Variants in RHBDD1 observed in about 807,000 individuals in gnomAD.
The protein encoded by RHBDD1 is rhomboid-related protein 4.
RHBDD1 carries 38 observed loss-of-function variants against 36.3 expected under a neutral mutation model. That is an observed-to-expected ratio of 1.05 (90% CI 0.81 to 1.37). The LOEUF (loss-of-function observed/expected upper bound fraction) is 1.37, where lower values mean the gene tolerates loss of function less well. Ranked by LOEUF, RHBDD1 falls within the 40% of genes most tolerant of loss-of-function variation. RHBDD1 has a pLI of 0.00. For missense variants in RHBDD1, 393 were observed against 377.6 expected, an observed-to-expected ratio of 1.04 and a Z score of -0.34; for synonymous variants, 151 against 136.5, an observed-to-expected ratio of 1.11 and a Z score of -0.74.
upstream of RHBDD1, among the ~76,000 whole-genome samples, chr2:226,835,040 T>G (rs1940851057): frequency 6.6e-6 from 1 of 152,178 alleles, no homozygotes; most frequent in Admixed American, 6.5e-5. Context: ...CCTCCCAAAG[T>G]GCTGGGATTA....
intron 5 of RHBDD1, among the ~76,000 whole-genome samples, chr2:226,877,270 T>C (rs562386687): frequency 1.3e-5 from 2 of 152,346 alleles, no homozygotes; most frequent in African/African-American, 4.8e-5. Context: ...TCTAATATTA[T>C]GCATTGATTA....
intron 3 of RHBDD1, among the ~76,000 whole-genome samples, chr2:226,859,963 A>T (rs1195558434): frequency 6.6e-6 from 1 of 152,164 alleles, no homozygotes; most frequent in African/African-American, 2.4e-5. Context: ...TGTGATGGTG[A>T]CCCAGACTAG....
Position 226,873,228 on chromosome 2 carries a change from G to C in RHBDD1, c.566+5910G>C, listed in dbSNP as rs140282053. 1.9e-3 allele frequency among the ~76,000 whole-genome samples: 285 copies of C among 152,264 alleles called. 2 individuals are homozygous for C. The highest frequency in any genetic ancestry group is 6.5e-3 in the African/African-American group (272 of 41,544). On this transcript the variant is annotated intron_variant, in intron 5 of 8. Coordinates refer to ENST00000392062, the MANE Select transcript of RHBDD1 (RefSeq NM_001167608.3). ...CACTGTAAAGACTGGCAGTGACTCA[G>C]CTATGCACAGAAATGACCACAAACC...
intron 8 of RHBDD1, among the ~76,000 whole-genome samples, chr2:226,965,620 T>C (rs1034537279): frequency 3.9e-5 from 6 of 152,134 alleles, no homozygotes; most frequent in African/African-American, 1.4e-4. Context: ...AAGTGAAGAA[T>C]GACTAAGGTT....
At chr2:226,948,334 G>A (rs1190950047) in intron 8 of RHBDD1, among the ~76,000 whole-genome samples, 8 of 145,452 alleles carry the variant, frequency 5.5e-5, no homozygotes, top group Non-Finnish European at 9.0e-5. Flanking sequence ...ACCAAACACC[G>A]CATATTCTCA....
intron 8 of RHBDD1, among the ~76,000 whole-genome samples, chr2:226,962,766 G>A (rs543470487): frequency 4.6e-5 from 7 of 152,132 alleles, no homozygotes; most frequent in African/African-American, 1.2e-4. Flanking sequence ...AAGCTTGTAC[G>A]TTTCTACCTA....
At chr2:226,846,508 C>A (rs988752578) in intron 3 of RHBDD1, among the ~76,000 whole-genome samples, 1 of 152,114 alleles carries the variant, frequency 6.6e-6, no homozygotes, top group African/African-American at 2.4e-5. Flanking sequence ...CTTTGGGAGG[C>A]TGAGGCAGGT....
chr2:226,945,145 G>GATTATT (rs60027437), intron 8 of RHBDD1, among the ~76,000 whole-genome samples: 4,337 of 144,712 alleles, frequency 0.03, 117 homozygotes, highest in African/African-American at 0.078. Context: ...GATCAAATCT[G>GATTATT]ATTATTATTA....
the RHBDD1 span, chr2:226,808,500 G>A: frequency 6.6e-6 from 1 of 152,220 alleles, no homozygotes; most frequent in African/African-American, 2.4e-5. Context: ...GCTGGAGCCT[G>A]GAATCATTTG....
chr2:226,963,008 G>A (rs1952330784), intron 8 of RHBDD1, among the ~76,000 whole-genome samples: 1 of 152,098 alleles, frequency 6.6e-6, no homozygotes, highest in East Asian at 1.9e-4. Flanking sequence ...AGGTGAGTGT[G>A]ACTGCCCTGT....
At chr2:226,831,746 T>C (rs1304256717), upstream of RHBDD1, among the ~76,000 whole-genome samples, 1 of 152,198 alleles carries the variant, frequency 6.6e-6, no homozygotes, top group Non-Finnish European at 1.5e-5. Context: ...ATAAAGTCTT[T>C]TTGGATTTTC....
rs957365960 is a variant in RHBDD1 at position 226,864,595 on chromosome 2, G to T, written c.-90-9G>T. ...ATTGATGGTTTTTCACATGCATTTT[G>T]TGTTTTAGGTTCAGCCGTCTGTATA... is the stretch of plus-strand genomic sequence containing the variant. On this transcript the variant is annotated splice_polypyrimidine_tract_variant and intron_variant, in intron 3 of 8. Transcript: ENST00000392062. 1.9e-5 allele frequency: 17 copies of T among 901,756 alleles called. No homozygotes were observed. Among genetic ancestry groups the T allele is most frequent in the African/African-American group, 1.8e-4 (11 of 60,034 alleles). 55.9% of individuals were successfully genotyped at this position (901,756 alleles called of 1,614,324 possible).
At chr2:226,803,871 C>T in the RHBDD1 span, among the ~76,000 whole-genome samples, 5,205 of 152,202 alleles carry the variant, frequency 0.034, 272 homozygotes, top group African/African-American at 0.11. Context: ...TTCTCAAACC[C>T]GAGGATCTTG....
intron 5 of RHBDD1, among the ~76,000 whole-genome samples, chr2:226,886,267 C>G (rs1559232678): frequency 6.6e-6 from 1 of 152,254 alleles, no homozygotes; most frequent in East Asian, 1.9e-4. Context: ...TGTAGTTACT[C>G]AATAAATATT....
chr2:226,886,944 C>T (rs1198756856), intron 5 of RHBDD1, among the ~76,000 whole-genome samples: 1 of 151,434 alleles, frequency 6.6e-6, no homozygotes, highest in Admixed American at 6.6e-5. Context: ...TTTTAATAAA[C>T]TAAAAAGGAA....
the RHBDD1 span, among the ~76,000 whole-genome samples, chr2:226,810,540 C>CAAAAAAAAAAAAAAAAAAAA: frequency 1.2e-4 from 4 of 33,882 alleles, no homozygotes; most frequent in African/African-American, 5.7e-4. Context: ...GACTCCGTCT[C>CAAAAAAAAAAAAAAAAAAAA]AAAAAAAAAA....
rs1344084496 is a variant in RHBDD1 at position 226,839,594 on chromosome 2, C to T, written c.-124C>T. Reference sequence around the variant, plus strand: ...GGAATAGAAATCCTCAGGGCATGAGCTATACCTAAAACGTAATGGTATTAA... The same window carrying T: ...GGAATAGAAATCCTCAGGGCATGAGTTATACCTAAAACGTAATGGTATTAA... On this transcript the variant is annotated 5_prime_UTR_variant, in exon 3 of 9. Transcript: ENST00000392062. The T allele has an allele frequency of 1.3e-5, 2 of 152,114 alleles. No individual in the cohort carries two copies. Among genetic ancestry groups the T allele is most frequent in the African/African-American group, 2.4e-5 (1 of 41,416 alleles). 9.4% of individuals were successfully genotyped at this position (152,114 alleles called of 1,614,324 possible).
chr2:226,939,233 C>T (rs1950524716), intron 8 of RHBDD1, among the ~76,000 whole-genome samples: 1 of 152,160 alleles, frequency 6.6e-6, no homozygotes, highest in Non-Finnish European at 1.5e-5. Context: ...CAAGGAAGCC[C>T]TCTCTCACCA....
intron 8 of RHBDD1, among the ~76,000 whole-genome samples, chr2:226,914,812 T>C (rs1948783063): frequency 6.6e-6 from 1 of 152,100 alleles, no homozygotes; most frequent in Non-Finnish European, 1.5e-5. Context: ...TGTCTGGGGG[T>C]AGAGCCTAGA....
Sources: gnomAD v4.1 joint callset for allele counts (sites outside exome capture counted in the v4.1 genomes callset) on GRCh38, gnomAD v4.1.1 for gene constraint, MANE v1.5 for transcripts, NCBI Gene and HGNC (gene_info 2026-07-23, HGNC 2026-07-21) for gene names.